The following FYCO1 variants were observed in gnomAD, a reference collection of about 807,000 sequenced individuals.
FYCO1 encodes the protein FYVE and coiled-coil domain-containing protein 1.
Under a neutral mutation model 165.1 loss-of-function variants are expected in FYCO1, and 122 were observed. That is an observed-to-expected ratio of 0.74 (90% confidence interval 0.64 to 0.86). The LOEUF (loss-of-function observed/expected upper bound fraction) is 0.86, where lower values mean the gene tolerates loss of function less well. Ranked by LOEUF, FYCO1 falls within the 40% of genes least tolerant of loss-of-function variation. The pLI is 0.00. For missense variants in FYCO1, 1,702 were observed against 1,810.3 expected (o/e 0.94, Z 1.09); for synonymous variants, 648 against 742.5 (o/e 0.87, Z 2.07).
At chr3:45,972,995 C>A in intron 6 of FYCO1, 93 bp downstream of exon 6, 1 of 1,370,760 alleles carries the variant, frequency 7.3e-7, no homozygotes, top group South Asian at 1.2e-5. Flanking sequence ...ATTTACTGAG[C>A]AAGCAAAATT....
chr3:45,971,955 A>C (rs1037251640), intron 6 of FYCO1, among the ~76,000 whole-genome samples: 1 of 152,220 alleles, frequency 6.6e-6, no homozygotes, highest in African/African-American at 2.4e-5. Context: ...ATACACAATT[A>C]AGTACTTAAG....
At position 45,966,481 on chromosome 3, in the gene FYCO1, T is replaced by C; in HGVS notation, c.2853A>G (p.Val951=). The stretch of plus-strand genomic sequence containing the variant: ...TCTCCTTCTCTTGCTGCAGCCCAGC[T>C]ACTTGGCGCTCCAGGCCCTCTCGCT... The part of the protein sequence containing the change: ...SREREGLERQ[V]AGLQQEKESL... Residue 951 remains valine (V), a synonymous_variant, in exon 8 of 18, where the codon GTA becomes GTG. Coordinates refer to ENST00000296137, the MANE Select transcript of FYCO1 (RefSeq NM_024513.4). 2 of 1,610,426 alleles carry C rather than the reference T, an allele frequency of 1.2e-6. No individual in the cohort carries two copies. The highest frequency in any genetic ancestry group is 1.7e-6 in the Non-Finnish European group (2 of 1,176,998).
chr3:45,924,128 C>T (rs1441855324), intron 16 of FYCO1, among the ~76,000 whole-genome samples: 1 of 152,188 alleles, frequency 6.6e-6, no homozygotes. Flanking sequence ...CCAGCTGTCT[C>T]CTGTTGGTCC....
intron 14 of FYCO1, among the ~76,000 whole-genome samples, chr3:45,949,108 C>T (rs1704829454): frequency 6.6e-6 from 1 of 152,184 alleles, no homozygotes; most frequent in African/African-American, 2.4e-5. Context: ...ATACCATGTG[C>T]ACCTGGTGCA....
At chr3:45,941,292 C>T (rs1045552409) in intron 14 of FYCO1, 15 of 152,218 alleles carry the variant, frequency 9.9e-5, no homozygotes, top group African/African-American at 3.6e-4. Flanking sequence ...TCTGCCAGGT[C>T]TTCAGGTAAG....
In FYCO1 at chr3:45,921,663, G is replaced by T; in HGVS notation, c.*102C>A. The T allele has an allele frequency of 1.2e-6, 1 of 834,776 alleles. No homozygotes were observed. The highest frequency in any genetic ancestry group is 2.1e-6 in the Non-Finnish European group (1 of 484,462). 51.7% of individuals were successfully genotyped at this position (834,776 alleles called of 1,614,324 possible). ...TGAGGGGCAGCCCAGGGGCTGAGTT[G>T]ATGATTTTGGAGCAGCTGACTTTTT... On this transcript the variant is annotated 3_prime_UTR_variant, in exon 18 of 18. Transcript: ENST00000296137.
intron 7 of FYCO1, 76 bp downstream of exon 7, chr3:45,969,599 C>A (rs1706303312): frequency 1.8e-6 from 2 of 1,140,020 alleles, no homozygotes; most frequent in Admixed American, 1.8e-5. Flanking sequence ...GAGAACATCA[C>A]CCTTGAGTTG....
At chr3:45,966,245 G>T in intron 8 of FYCO1, 32 bp downstream of exon 8, 3 of 1,608,520 alleles carry the variant, frequency 1.9e-6, no homozygotes, top group Non-Finnish European at 2.5e-6. Context: ...CAGGGAGAGG[G>T]GTAGAGCCCA....
chr3:45,923,135 C>T (rs1286689985), intron 17 of FYCO1, among the ~76,000 whole-genome samples: 1 of 152,244 alleles, frequency 6.6e-6, no homozygotes, highest in Non-Finnish European at 1.5e-5. Context: ...GAGTGCTTCC[C>T]AGAGATGGCA....
intron 14 of FYCO1, chr3:45,938,281 T>C (rs766431097): frequency 3.2e-5 from 41 of 1,275,216 alleles, no homozygotes; most frequent in Non-Finnish European, 4.1e-5. Context: ...AGGAATGGGA[T>C]AGGTGGGTGA....
intron 17 of FYCO1, among the ~76,000 whole-genome samples, chr3:45,923,373 C>A (rs1041999525): frequency 7.9e-5 from 12 of 152,200 alleles, no homozygotes; most frequent in African/African-American, 2.2e-4. Context: ...TTCAGACTGG[C>A]CAGACCGCCT....
At chr3:45,990,892 C>T (rs2125881630) in intron 1 of FYCO1, among the ~76,000 whole-genome samples, 1 of 152,304 alleles carries the variant, frequency 6.6e-6, no homozygotes, top group South Asian at 2.1e-4. Context: ...CCTGCCTCAG[C>T]CTCGTGAGTA....
intron 1 of FYCO1, among the ~76,000 whole-genome samples, chr3:45,992,327 A>G (rs1500003): frequency 0.56 from 84,731 of 151,998 alleles, 26,080 homozygotes; most frequent in East Asian, 0.96. Context: ...AGAGAGGCAG[A>G]AGGTGGGGCC....
intron 2 of FYCO1, among the ~76,000 whole-genome samples, chr3:45,982,639 G>A (rs1171448684): frequency 6.6e-6 from 1 of 152,200 alleles, no homozygotes; most frequent in African/African-American, 2.4e-5. Context: ...GAGATGGTGG[G>A]ATGTGCTTCA....
chr3:45,974,850 G>A (rs1180295663), intron 5 of FYCO1, among the ~76,000 whole-genome samples: 5 of 152,180 alleles, frequency 3.3e-5, no homozygotes, highest in South Asian at 4.1e-4. Context: ...AGGTGAGGAC[G>A]CAGGCTCAGT....
chr3:45,962,623 G>A lies in FYCO1; in HGVS notation c.3270-231C>T, dbSNP rs1021701137. 8.5e-5 allele frequency among the ~76,000 whole-genome samples: 13 copies of A among 152,210 alleles called. No homozygotes were observed. The highest frequency in any genetic ancestry group is 2.9e-4 in the African/African-American group (12 of 41,454). ...GCAGGCTGACCCCAGGTTGCCAGAA[G>A]CACCCTAAGTGAATAGAACTCTGCA... On this transcript the variant is annotated intron_variant, in intron 10 of 17. Coordinates refer to ENST00000296137, the MANE Select transcript of FYCO1 (RefSeq NM_024513.4). This position sits in a 1 kb window ranked among gnomAD's most constrained non-coding sequence, Gnocchi z 4.4.
chr3:45,962,568 C>G lies in FYCO1; in HGVS notation c.3270-176G>C, dbSNP rs1172252518. Among the ~76,000 whole-genome samples the G allele has an allele frequency of 6.6e-6, 1 of 152,196 alleles. No individual in the cohort carries two copies. Among genetic ancestry groups the G allele is most frequent in the Non-Finnish European group, 1.5e-5 (1 of 68,040 alleles). ...GCTTTTGAGACTCTCCTCTCACCCC[C>G]ACATACAAAGGGGCATTCTGGGAGG... On this transcript the variant is annotated intron_variant, in intron 10 of 17. Coordinates refer to ENST00000296137, the MANE Select transcript of FYCO1 (RefSeq NM_024513.4). The surrounding 1 kb of genome is among the most constrained non-coding windows in gnomAD (Gnocchi z 4.4).
chr3:45,959,490 G>C lies in FYCO1; in HGVS notation c.3490C>G (p.Leu1164Val), dbSNP rs141449193. ...KSDALEFQQK[L>V]SAEERWLGDT... ...CCGAGCCATCTCTCCTCAGCACTGA[G>C]CTTCTGCTGGAATTCCAGGGCATCT... The change falls in exon 12 of 18, where the codon CTC becomes GTC. Residue 1164 changes from leucine to valine, a missense_variant. By Grantham distance (32) the Leu-to-Val change is conservative. Coordinates refer to ENST00000296137, the MANE Select transcript of FYCO1 (RefSeq NM_024513.4). 7 of 1,614,020 alleles carry C rather than the reference G, an allele frequency of 4.3e-6. No individual in the cohort carries two copies. Among genetic ancestry groups the C allele is most frequent in the Non-Finnish European group, 5.1e-6 (6 of 1,180,010 alleles).
At chr3:45,942,644 G>A (rs1704301199) in intron 14 of FYCO1, among the ~76,000 whole-genome samples, 1 of 152,210 alleles carries the variant, frequency 6.6e-6, no homozygotes, top group African/African-American at 2.4e-5. Context: ...AGGCTGACAT[G>A]CCTCCAATTC....
Sources: allele counts gnomAD v4.1 joint callset (sites outside exome capture counted in the v4.1 genomes callset), GRCh38; gene constraint gnomAD v4.1.1; non-coding constraint Gnocchi (gnomAD v3.1); transcripts MANE v1.5; gene names NCBI Gene and HGNC (gene_info 2026-07-23, HGNC 2026-07-21).